Variants in PCDH11X observed in about 807,000 individuals in gnomAD.
PCDH11X encodes protocadherin-11 X-linked.
PCDH11X carries 18 observed loss-of-function variants against 53.3 expected under a neutral mutation model. The ratio of observed to expected loss-of-function variants is 0.34; its 90% confidence interval spans 0.23 to 0.50. The LOEUF (loss-of-function observed/expected upper bound fraction) is 0.50, where lower values mean the gene tolerates loss of function less well. Among genes scored for constraint, PCDH11X ranks in the 20% least tolerant of loss-of-function variants. The probability of loss-of-function intolerance (pLI) is 0.98; values close to 1 mark genes in which losing one functional copy is unlikely to be tolerated. For missense variants in PCDH11X, 570 were observed against 1,032.4 expected, an observed-to-expected ratio of 0.55 and a Z score of 6.14; for synonymous variants, 279 against 393.3, an observed-to-expected ratio of 0.71 and a Z score of 3.44.
intron 6 of PCDH11X, among the ~76,000 whole-genome samples, chrX:91,956,104 T>A (rs1395503157): frequency 9.0e-6 from 1 of 110,969 alleles, no homozygotes; most frequent in Non-Finnish European, 1.9e-5. Flanking sequence ...TTCCATTTGC[T>A]TGGTAAATTT....
chrX:92,043,550 C>T (rs1216283288), intron 6 of PCDH11X, among the ~76,000 whole-genome samples: 4 of 98,633 alleles, frequency 4.1e-5, no homozygotes, highest in Non-Finnish European at 7.8e-5. Context: ...TTCTAACTTC[C>T]ATGGGCCACT....
At chrX:92,564,867 C>T (rs759507544) in intron 10 of PCDH11X, among the ~76,000 whole-genome samples, 58 of 110,220 alleles carry the variant, frequency 5.3e-4, no homozygotes, top group African/African-American at 1.8e-3. Context: ...TGCAAACTAC[C>T]CATTTGACAA....
At position 92,269,578 on chromosome X, in the gene PCDH11X, A is replaced by G. The variant is rs1031651356; in HGVS notation, c.3144+6435A>G. Among the ~76,000 whole-genome samples the G allele has an allele frequency of 3.4e-4, 38 of 111,782 alleles. 1 individual carries two copies. Among genetic ancestry groups the G allele is most frequent in the African/African-American group, 1.2e-3 (36 of 30,802 alleles). ...GATAGAAACAATTTTTGTAACCTCAATACATTTCTGAGTTCCTTTCTAGCC... is the reference window on the plus strand; with the variant it reads ...GATAGAAACAATTTTTGTAACCTCAGTACATTTCTGAGTTCCTTTCTAGCC... On this transcript the variant is annotated intron_variant, in intron 8 of 10. Transcript: ENST00000682573.
intron 6 of PCDH11X, among the ~76,000 whole-genome samples, chrX:92,152,866 C>T (rs1321687093): frequency 9.1e-6 from 1 of 110,100 alleles, no homozygotes; most frequent in African/African-American, 3.3e-5. Flanking sequence ...GGCGTGATCT[C>T]GGCTCAGTGC....
At chrX:92,236,718 A>G (rs1014989715) in intron 7 of PCDH11X, among the ~76,000 whole-genome samples, 1 of 111,966 alleles carries the variant, frequency 8.9e-6, no homozygotes, top group African/African-American at 3.2e-5. Flanking sequence ...GTTACTATGT[A>G]TAGAGTCTAG....
chrX:92,207,568 A>G (rs905064540), intron 7 of PCDH11X, among the ~76,000 whole-genome samples: 1 of 112,297 alleles, frequency 8.9e-6, no homozygotes, highest in Non-Finnish European at 1.9e-5. Flanking sequence ...CATTCTAATT[A>G]TGAATTTAGA....
chrX:92,180,667 G>T (rs1456280624), intron 6 of PCDH11X, among the ~76,000 whole-genome samples: 1 of 111,152 alleles, frequency 9.0e-6, no homozygotes, highest in Non-Finnish European at 1.9e-5. Flanking sequence ...AATCATGGGG[G>T]CAAGTCTTTC....
chrX:92,497,429 T>A (rs1266028877), intron 10 of PCDH11X, among the ~76,000 whole-genome samples: 2 of 108,721 alleles, frequency 1.8e-5, no homozygotes, highest in African/African-American at 6.6e-5. Context: ...TTTTTTTTTT[T>A]AACATATTCC....
At chrX:91,783,886 T>A (rs1163562419) in intron 1 of PCDH11X, among the ~76,000 whole-genome samples, 2 of 112,296 alleles carry the variant, frequency 1.8e-5, no homozygotes, top group Non-Finnish European at 3.8e-5. Context: ...GACAATGTGA[T>A]AAATGGTGTA....
At chrX:92,246,451 C>G (rs1244078165) in intron 7 of PCDH11X, among the ~76,000 whole-genome samples, 1 of 111,227 alleles carries the variant, frequency 9.0e-6, no homozygotes, top group Non-Finnish European at 1.9e-5. Flanking sequence ...CTCCCGGGTT[C>G]AAACGATTCT....
chrX:92,223,205 C>T (rs777770989), intron 7 of PCDH11X, among the ~76,000 whole-genome samples: 6 of 111,777 alleles, frequency 5.4e-5, no homozygotes, highest in Non-Finnish European at 1.9e-5. Flanking sequence ...TTCTTTAATT[C>T]ATCCCTTTTA....
chrX:92,500,098 G>A (rs989046923), intron 10 of PCDH11X, among the ~76,000 whole-genome samples: 5 of 110,917 alleles, frequency 4.5e-5, no homozygotes, highest in South Asian at 7.5e-4. Context: ...TTGATACTAA[G>A]CTAAGACATT....
intron 6 of PCDH11X, among the ~76,000 whole-genome samples, chrX:92,197,470 A>G (rs1486712334): frequency 8.9e-6 from 1 of 112,270 alleles, no homozygotes; most frequent in Non-Finnish European, 1.9e-5. Context: ...TACATTTTAT[A>G]TTTGTAAACT....
At chrX:92,045,594 C>T (rs2063274427) in intron 6 of PCDH11X, among the ~76,000 whole-genome samples, 1 of 105,581 alleles carries the variant, frequency 9.5e-6, no homozygotes, top group South Asian at 4.3e-4. Context: ...ATCTTGGATG[C>T]CAGGTCAAAG....
chrX:91,907,995 G>A (rs1011097272), intron 6 of PCDH11X, among the ~76,000 whole-genome samples: 2 of 111,393 alleles, frequency 1.8e-5, no homozygotes, highest in African/African-American at 6.5e-5. Context: ...AGTGTTCCAT[G>A]GTATACATGT....
chrX:91,940,219 G>A (rs780336588), intron 6 of PCDH11X, among the ~76,000 whole-genome samples: 1 of 110,860 alleles, frequency 9.0e-6, no homozygotes, highest in East Asian at 2.9e-4. Flanking sequence ...GCCTCCAGAT[G>A]CCTACTCCAG....
At chrX:91,967,178 T>G (rs2061877503) in intron 6 of PCDH11X, among the ~76,000 whole-genome samples, 2 of 110,599 alleles carry the variant, frequency 1.8e-5, no homozygotes, top group Middle Eastern at 4.7e-3. Flanking sequence ...TGTCATTCTT[T>G]TCTCCCCTTT....
chrX:92,300,710 A>G (rs34149619), intron 8 of PCDH11X, among the ~76,000 whole-genome samples: 2 of 111,570 alleles, frequency 1.8e-5, no homozygotes, highest in East Asian at 5.6e-4. Context: ...AACTCCTAAC[A>G]TCGTGATCCA....
intron 8 of PCDH11X, among the ~76,000 whole-genome samples, chrX:92,385,878 A>G (rs2071002198): frequency 9.0e-6 from 1 of 110,902 alleles, no homozygotes; most frequent in African/African-American, 3.3e-5. Context: ...GAACTCCTCA[A>G]TATTACTTAG....
Sources: allele counts gnomAD v4.1 joint callset (sites outside exome capture counted in the v4.1 genomes callset), GRCh38; gene constraint gnomAD v4.1.1; transcripts MANE v1.5; gene names NCBI Gene and HGNC (gene_info 2026-07-23, HGNC 2026-07-21).